The following ASCC3 variants were observed in gnomAD, a reference collection of about 807,000 sequenced individuals.
ASCC3 encodes the protein activating signal cointegrator 1 complex subunit 3, also known as ASC-1 complex subunit P200.
In ASCC3, 158 loss-of-function variants were observed where a neutral mutation model predicts 256.3. That is an observed-to-expected ratio of 0.62 (90% CI 0.54 to 0.70). The LOEUF (loss-of-function observed/expected upper bound fraction) is 0.70, where lower values mean the gene tolerates loss of function less well. ASCC3 is among the 30% of genes least tolerant of loss of function. The pLI is 0.00. For synonymous variants in ASCC3, 948 were observed against 883.4 expected (o/e 1.07, Z -1.30); for missense variants, 2,259 against 2,626.0 (o/e 0.86, Z 3.05).
intron 24 of ASCC3, among the ~76,000 whole-genome samples, chr6:100,640,120 T>G (rs1775047822): frequency 6.6e-6 from 1 of 151,460 alleles, no homozygotes; most frequent in Non-Finnish European, 1.5e-5. Flanking sequence ...GTCTCACAAA[T>G]AAAATAAAAT....
At chr6:100,832,064 T>C (rs1244133239) in intron 4 of ASCC3, among the ~76,000 whole-genome samples, 2 of 152,104 alleles carry the variant, frequency 1.3e-5, no homozygotes, top group Non-Finnish European at 2.9e-5. Context: ...ATGGAAGATA[T>C]AGAGTGAGAG....
chr6:100,558,385 T>C (rs928502383), intron 36 of ASCC3, among the ~76,000 whole-genome samples: 1 of 152,138 alleles, frequency 6.6e-6, no homozygotes, highest in Non-Finnish European at 1.5e-5. Flanking sequence ...TAATTCTCTA[T>C]TTTGATTTGT....
At chr6:100,596,568 AT>A (rs964510000) in intron 34 of ASCC3, among the ~76,000 whole-genome samples, 7 of 151,720 alleles carry the variant, frequency 4.6e-5, no homozygotes, top group African/African-American at 1.7e-4. Context: ...TGTCCTTTGT[AT>A]TTTTTTGCCT....
chr6:100,879,819 A>G (rs569626521), intron 1 of ASCC3, among the ~76,000 whole-genome samples: 57 of 152,332 alleles, frequency 3.7e-4, no homozygotes, highest in Non-Finnish European at 7.1e-4. Context: ...CATGCTGTTA[A>G]AGCAAGATCA....
At chr6:100,555,317 T>C (rs1769513184) in intron 36 of ASCC3, among the ~76,000 whole-genome samples, 1 of 152,224 alleles carries the variant, frequency 6.6e-6, no homozygotes, top group Non-Finnish European at 1.5e-5. Flanking sequence ...AAAATCTATG[T>C]ATATTTCCTT....
At chr6:100,752,667 G>T (rs886324694) in intron 10 of ASCC3, among the ~76,000 whole-genome samples, 1 of 152,012 alleles carries the variant, frequency 6.6e-6, no homozygotes, top group African/African-American at 2.4e-5. Flanking sequence ...AACATTAAAT[G>T]GGCTAAATTC....
At chr6:100,821,342 T>C (rs1044666337) in intron 4 of ASCC3, among the ~76,000 whole-genome samples, 9 of 152,258 alleles carry the variant, frequency 5.9e-5, no homozygotes, top group Non-Finnish European at 1.2e-4. Context: ...AGAATCACTA[T>C]ATGGCCCAAT....
chr6:100,602,029 C>A, intron 33 of ASCC3, 94 bp from the exon 34 acceptor site: 2 of 1,407,706 alleles, frequency 1.4e-6, no homozygotes, highest in Non-Finnish European at 1.9e-6. Context: ...ATTTTATGTT[C>A]TAAGATAAAA....
At chr6:100,625,471 T>C (rs1185079530) in intron 29 of ASCC3, 137 bp from the exon 30 acceptor site, 1 of 991,892 alleles carries the variant, frequency 1.0e-6, no homozygotes. Flanking sequence ...TTGCAGGTAC[T>C]ACATGGATCT....
At chr6:100,771,866 G>GTTT (rs57465763) in intron 8 of ASCC3, among the ~76,000 whole-genome samples, 3 of 91,816 alleles carry the variant, frequency 3.3e-5, no homozygotes, top group African/African-American at 4.7e-5. Flanking sequence ...CAATCTGCAA[G>GTTT]TTTTTTTTTT....
At chr6:100,855,963 T>C (rs947302919) in intron 3 of ASCC3, among the ~76,000 whole-genome samples, 1 of 152,110 alleles carries the variant, frequency 6.6e-6, no homozygotes, top group Admixed American at 6.5e-5. Context: ...AACTGATACT[T>C]TGAAATTATC....
At chr6:100,580,138 G>A (rs933053760) in intron 36 of ASCC3, among the ~76,000 whole-genome samples, 1 of 151,846 alleles carries the variant, frequency 6.6e-6, no homozygotes, top group African/African-American at 2.4e-5. Flanking sequence ...GAATGTTGTT[G>A]GTGTACAGAA....
At chr6:100,695,826 A>G (rs529888977) in intron 13 of ASCC3, among the ~76,000 whole-genome samples, 1 of 152,200 alleles carries the variant, frequency 6.6e-6, no homozygotes, top group Non-Finnish European at 1.5e-5. Context: ...CAACCCATGC[A>G]CATGCAGTAG....
intron 30 of ASCC3, among the ~76,000 whole-genome samples, chr6:100,615,400 T>G (rs1225608138): frequency 1.3e-5 from 2 of 151,970 alleles, no homozygotes; most frequent in African/African-American, 4.8e-5. Context: ...GTATGGCAGA[T>G]TAAAATAACA....
intron 8 of ASCC3, among the ~76,000 whole-genome samples, chr6:100,781,954 C>A (rs1190921990): frequency 1.3e-5 from 2 of 151,830 alleles, no homozygotes; most frequent in African/African-American, 4.8e-5. Context: ...TTATATCTCT[C>A]TATATATATT....
intron 20 of ASCC3, among the ~76,000 whole-genome samples, chr6:100,648,943 T>C (rs1775522641): frequency 6.6e-6 from 1 of 151,754 alleles, no homozygotes; most frequent in Admixed American, 6.6e-5. Flanking sequence ...TTAAATAAAA[T>C]CCTAGAATAT....
intron 36 of ASCC3, among the ~76,000 whole-genome samples, chr6:100,565,300 C>T (rs930376437): frequency 3.3e-5 from 5 of 152,068 alleles, no homozygotes; most frequent in East Asian, 1.9e-4. Context: ...ATTTTTCTTA[C>T]GAACACAGCT....
rs767268319 is a variant in ASCC3, at chr6:100,805,816, G to C, written c.866C>G (p.Thr289Arg). 2 of 1,611,270 alleles carry C rather than the reference G, an allele frequency of 1.2e-6. No homozygotes were observed. Among genetic ancestry groups the C allele is most frequent in the South Asian group, 2.2e-5 (2 of 90,984 alleles). Residue 289 changes from threonine to arginine, a missense_variant, in exon 5 of 42, where the codon ACA becomes AGA. Around this residue, in one of 2 missense-constraint regions of ASCC3, gnomAD observed 420 missense variants for 419.3 expected, o/e 1.00. Transcript: ENST00000369162. ...AGAATTAAGAAATCTATCCACAATT[G>C]TAATTCTGTTCTGGAGGAGTTTCTC... is the stretch of plus-strand genomic sequence containing the variant. Reference protein sequence around the residue: ...LIEKLLQNRITIVDRFLNSSN... With the variant: ...LIEKLLQNRIRIVDRFLNSSN...
chr6:100,558,269 T>A (rs1184366373), intron 36 of ASCC3, among the ~76,000 whole-genome samples: 1 of 152,104 alleles, frequency 6.6e-6, no homozygotes, highest in Non-Finnish European at 1.5e-5. Context: ...ATTTTCTATA[T>A]GATTGTGTGC....
Sources: allele counts gnomAD v4.1 joint callset (sites outside exome capture counted in the v4.1 genomes callset), GRCh38; gene constraint gnomAD v4.1.1; regional missense constraint gnomAD v4.1.1; transcripts MANE v1.5; gene names NCBI Gene and HGNC (gene_info 2026-07-23, HGNC 2026-07-21).